DNAH12: variants seen among roughly 807,000 people sequenced by gnomAD.
DNAH12 encodes axonemal beta dynein heavy chain 12.
A neutral mutation model predicts 371.5 loss-of-function variants in DNAH12; 285 were observed. The ratio of observed to expected loss-of-function variants is 0.77; its 90% CI spans 0.70 to 0.85. The LOEUF (loss-of-function observed/expected upper bound fraction) is 0.85. Ranked by LOEUF, DNAH12 falls within the 40% of genes least tolerant of loss-of-function variation. The probability of loss-of-function intolerance (pLI) is 0.00; values close to 1 mark genes in which losing one functional copy is unlikely to be tolerated. For missense variants in DNAH12, 3,611 were observed against 3,689.4 expected (o/e 0.98, Z 0.55); for synonymous variants, 1,200 against 1,213.0 (o/e 0.99, Z 0.22).
At chr3:57,303,470 G>A (rs1368412162) in intron 69 of DNAH12, among the ~76,000 whole-genome samples, 7 of 146,840 alleles carry the variant, frequency 4.8e-5, no homozygotes, top group Non-Finnish European at 1.0e-4. Context: ...GGAGTGCAGT[G>A]CCACGATCTC....
chr3:57,454,348 C>T (rs574989348), intron 23 of DNAH12, among the ~76,000 whole-genome samples: 100 of 152,044 alleles, frequency 6.6e-4, no homozygotes, highest in Non-Finnish European at 4.7e-4. Flanking sequence ...GGTGTGGTGG[C>T]ACATGCCTGT....
chr3:57,379,842 CAAAAAAAAAAAAA>C (rs1170490495), intron 51 of DNAH12, among the ~76,000 whole-genome samples: 1 of 22,378 alleles, frequency 4.5e-5, no homozygotes, highest in Admixed American at 6.9e-4. Flanking sequence ...CTCTGTCTCC[CAAAAAAAAAAAAA>C]AAAAAAAAAA....
intron 29 of DNAH12, among the ~76,000 whole-genome samples, chr3:57,439,219 A>T (rs553360586): frequency 2.4e-4 from 37 of 152,298 alleles, no homozygotes; most frequent in African/African-American, 8.7e-4. Context: ...TAAAATTCAG[A>T]TGGAACCAAA....
intron 62 of DNAH12, among the ~76,000 whole-genome samples, chr3:57,331,159 C>T (rs1460114025): frequency 6.6e-6 from 1 of 152,102 alleles, no homozygotes; most frequent in Non-Finnish European, 1.5e-5. Flanking sequence ...AGTAAGCAGA[C>T]AATTATTGTA....
At chr3:57,417,961 G>A (rs2064432481) in intron 37 of DNAH12, among the ~76,000 whole-genome samples, 1 of 152,194 alleles carries the variant, frequency 6.6e-6, no homozygotes, top group East Asian at 1.9e-4. Flanking sequence ...GACCAGCCTG[G>A]CCAATATGGT....
At position 57,455,602 on chromosome 3, in the gene DNAH12, T is replaced by G. The variant is rs149390797; in HGVS notation, c.3337-708A>C. ...ACAACAACAACAACAACAAAACTAGTCAAATAGATTATGTATATTGATGCC... is the reference window on the plus strand; with the variant it reads ...ACAACAACAACAACAACAAAACTAGGCAAATAGATTATGTATATTGATGCC... On this transcript the variant is annotated intron_variant, in intron 22 of 73. Transcript: ENST00000495027. 1.3e-4 allele frequency among the ~76,000 whole-genome samples: 19 copies of G among 151,722 alleles called. No homozygotes were observed. The East Asian group carries it at 3.7e-3, about 29-fold the overall frequency.
intron 13 of DNAH12, among the ~76,000 whole-genome samples, chr3:57,477,894 A>C (rs1173411694): frequency 6.6e-6 from 1 of 151,544 alleles, no homozygotes; most frequent in Non-Finnish European, 1.5e-5. Context: ...TAACAAACAG[A>C]AAGGACATCT....
intron 2 of DNAH12, among the ~76,000 whole-genome samples, chr3:57,534,984 C>T (rs1485573045): frequency 6.6e-6 from 1 of 152,154 alleles, no homozygotes; most frequent in Non-Finnish European, 1.5e-5. Flanking sequence ...ATGTTTTAGG[C>T]ATAGGCTTAA....
intron 4 of DNAH12, chr3:57,520,089 C>A: frequency 1.0e-5 from 1 of 95,766 alleles, no homozygotes; most frequent in Non-Finnish European, 2.1e-5. Flanking sequence ...TACAGCGTTA[C>A]CTTATCTTTC....
chr3:57,317,144 A>G (rs1032455855), intron 65 of DNAH12, among the ~76,000 whole-genome samples: 8 of 152,112 alleles, frequency 5.3e-5, no homozygotes, highest in African/African-American at 1.7e-4. Context: ...TTAGTTCATA[A>G]CACTATCATG....
intron 2 of DNAH12, among the ~76,000 whole-genome samples, chr3:57,524,889 G>C (rs1045231243): frequency 1.3e-5 from 2 of 152,128 alleles, no homozygotes; most frequent in African/African-American, 2.4e-5. Flanking sequence ...GAAATATCCA[G>C]CTAAAGGCCT....
chr3:57,300,797 CA>C lies in DNAH12; in HGVS notation c.11394+937del, dbSNP rs532044164. Among the ~76,000 whole-genome samples, 388 of 147,308 alleles carry C rather than the reference CA, an allele frequency of 2.6e-3. 4 individuals are homozygous for C. In the South Asian group the frequency reaches 0.042, roughly 16 times the overall value. ...AAGATCATATACCTTTGAGAATTTCCAAAAAAAAAATAGTTTTGGGATTCTC... is the reference window on the plus strand; with the variant it reads ...AAGATCATATACCTTTGAGAATTTCCAAAAAAAAATAGTTTTGGGATTCTC... On this transcript the variant is annotated intron_variant, in intron 70 of 73. Coordinates refer to ENST00000495027, the MANE Select transcript of DNAH12 (RefSeq NM_001366028.2).
At chr3:57,474,231 C>T (rs986412330) in intron 13 of DNAH12, among the ~76,000 whole-genome samples, 4 of 151,702 alleles carry the variant, frequency 2.6e-5, no homozygotes, top group African/African-American at 9.7e-5. Context: ...GAAGACATTC[C>T]AAAATAATCT....
At chr3:57,501,270 A>G in intron 11 of DNAH12, 51 bp downstream of exon 11, 7 of 1,355,944 alleles carry the variant, frequency 5.2e-6, no homozygotes, top group Non-Finnish European at 7.3e-6. Context: ...AAAGATCCTA[A>G]TGTTACAAAA....
At chr3:57,413,099 T>C (rs1269814699) in intron 39 of DNAH12, among the ~76,000 whole-genome samples, 11 of 152,298 alleles carry the variant, frequency 7.2e-5, no homozygotes, top group African/African-American at 2.4e-4. Context: ...TGAATGTTAC[T>C]CAGTGCTAAA....
intron 55 of DNAH12, among the ~76,000 whole-genome samples, chr3:57,371,246 GT>G (rs1246609751): frequency 6.6e-6 from 1 of 151,724 alleles, no homozygotes; most frequent in Admixed American, 6.6e-5. Flanking sequence ...CTGAAGTTTA[GT>G]TTTTTTTATT....
chr3:57,499,464 A>G (rs1463607592), intron 11 of DNAH12, among the ~76,000 whole-genome samples: 2 of 150,300 alleles, frequency 1.3e-5, no homozygotes, highest in African/African-American at 4.9e-5. Context: ...GCAAAATCCT[A>G]GAATGTAGGT....
intron 8 of DNAH12, among the ~76,000 whole-genome samples, chr3:57,505,122 C>G (rs897201647): frequency 2.6e-5 from 4 of 152,076 alleles, no homozygotes; most frequent in African/African-American, 9.7e-5. Context: ...CTCCTGAGCT[C>G]AAGTGACCCG....
intron 12 of DNAH12, among the ~76,000 whole-genome samples, chr3:57,485,544 G>T (rs2066895758): frequency 1.3e-5 from 2 of 151,892 alleles, no homozygotes; most frequent in Non-Finnish European, 2.9e-5. Context: ...TGGGATTACA[G>T]GCGCGTGCCA....
Sources: allele counts gnomAD v4.1 joint callset (sites outside exome capture counted in the v4.1 genomes callset), GRCh38; gene constraint gnomAD v4.1.1; transcripts MANE v1.5; gene names NCBI Gene and HGNC (gene_info 2026-07-23, HGNC 2026-07-21).